RBMS1: variants seen among roughly 807,000 people sequenced by gnomAD.
RBMS1 encodes RNA binding motif single stranded interacting protein 1, also known as RNA-binding motif, single-stranded-interacting protein 1.
A neutral mutation model predicts 62.3 loss-of-function variants in RBMS1; 17 were observed. That is an observed-to-expected ratio of 0.27 (90% confidence interval 0.19 to 0.41). The LOEUF (loss-of-function observed/expected upper bound fraction) is 0.41. RBMS1 is among the 10% of genes least tolerant of loss of function. The pLI, the probability that RBMS1 is intolerant of heterozygous loss-of-function variation, is 1.00. For synonymous variants in RBMS1, 172 were observed against 170.0 expected (o/e 1.01, Z -0.09); for missense variants, 334 against 504.5 (o/e 0.66, Z 3.24).
chr2:160,285,436 A>G (rs905914747), intron 7 of RBMS1, among the ~76,000 whole-genome samples: 68 of 152,230 alleles, frequency 4.5e-4, no homozygotes, highest in African/African-American at 1.6e-3. Context: ...TAAAAAATCA[A>G]TCTCTCTAGC....
chr2:160,354,816 G>A (rs1251310806), intron 2 of RBMS1, among the ~76,000 whole-genome samples: 3 of 152,102 alleles, frequency 2.0e-5, no homozygotes, highest in Non-Finnish European at 4.4e-5. Context: ...ATTTAGACAA[G>A]CGTTAAGTCT....
chr2:160,482,304 G>T (rs1196017445), intron 1 of RBMS1, among the ~76,000 whole-genome samples: 2 of 152,182 alleles, frequency 1.3e-5, no homozygotes, highest in African/African-American at 4.8e-5. Flanking sequence ...TACCTTTAGT[G>T]GGTACAAGTG....
chr2:160,394,385 A>G (rs1695027768), intron 1 of RBMS1, among the ~76,000 whole-genome samples: 1 of 152,202 alleles, frequency 6.6e-6, no homozygotes, highest in East Asian at 1.9e-4. Context: ...GCAGGAAGGG[A>G]CTGAAAGTAT....
intron 2 of RBMS1, among the ~76,000 whole-genome samples, chr2:160,344,538 A>T (rs1263740491): frequency 6.6e-6 from 1 of 152,192 alleles, no homozygotes; most frequent in Non-Finnish European, 1.5e-5. Context: ...CGACTCCAAC[A>T]GTATATGGAA....
intron 1 of RBMS1, among the ~76,000 whole-genome samples, chr2:160,410,505 G>GA (rs914448485): frequency 7.3e-5 from 11 of 149,900 alleles, no homozygotes; most frequent in South Asian, 2.1e-4. Context: ...TGCAACGTAA[G>GA]AAAAAAAAAC....
chr2:160,346,947 T>C (rs969100408), intron 2 of RBMS1, among the ~76,000 whole-genome samples: 5 of 152,176 alleles, frequency 3.3e-5, no homozygotes, highest in South Asian at 2.1e-4. Context: ...TTGAAAAGAA[T>C]GATTATGAAA....
intron 1 of RBMS1, among the ~76,000 whole-genome samples, chr2:160,448,118 T>A (rs1683741652): frequency 6.6e-6 from 1 of 152,254 alleles, no homozygotes; most frequent in Admixed American, 6.5e-5. Context: ...ATAACAATTA[T>A]CTTTATATCC....
At position 160,474,902 on chromosome 2, in the gene RBMS1, T is replaced by A. The variant is rs865917261; in HGVS notation, c.75+18387A>T. Reference sequence around the variant, plus strand: ...TTTCAGTTGCGTCGCAAGTAATATATCGTATTTATGGTGTGATAATCTTTC... The same window carrying A: ...TTTCAGTTGCGTCGCAAGTAATATAACGTATTTATGGTGTGATAATCTTTC... On this transcript the variant is annotated intron_variant, in intron 1 of 13. Coordinates refer to ENST00000348849, the MANE Select transcript of RBMS1 (RefSeq NM_016836.4). 4.6e-5 allele frequency among the ~76,000 whole-genome samples: 7 copies of A among 152,216 alleles called. No homozygotes were observed. In the South Asian group the frequency reaches 6.2e-4, roughly 13 times the overall value.
chr2:160,345,730 G>A (rs1008442583), intron 2 of RBMS1, among the ~76,000 whole-genome samples: 9 of 152,134 alleles, frequency 5.9e-5, no homozygotes, highest in African/African-American at 2.2e-4. Flanking sequence ...GCAGAATGGG[G>A]ATAATATTCA....
intron 1 of RBMS1, among the ~76,000 whole-genome samples, chr2:160,448,507 G>A (rs10174570): frequency 0.22 from 33,590 of 152,248 alleles, 4,230 homozygotes; most frequent in Admixed American, 0.38. Flanking sequence ...TGTTGGCCGG[G>A]CTGGTCTCCA....
chr2:160,493,488 T>TGCC lies in RBMS1; in HGVS notation c.-128_-126dup, dbSNP rs1239064164. ...CGGCGGCGGCGGCGGCTGCTGCTGC[T>TGCC]GCCGCTGCTCCACCTCCCAGCCGGG... On this transcript the variant is annotated 5_prime_UTR_variant, in exon 1 of 14. Transcript: ENST00000348849. 2 of 787,836 alleles carry TGCC rather than the reference T, an allele frequency of 2.5e-6. No individual in the cohort carries two copies. Among genetic ancestry groups the TGCC allele is most frequent in the African/African-American group, 1.7e-5 (1 of 57,724 alleles). 48.8% of individuals were successfully genotyped at this position (787,836 alleles called of 1,614,324 possible). A position where few individuals can be genotyped will look rare whatever the true frequency, so the allele number is the denominator to read the frequency against.
At chr2:160,310,129 C>T (rs1469292845) in intron 4 of RBMS1, among the ~76,000 whole-genome samples, 1 of 152,084 alleles carries the variant, frequency 6.6e-6, no homozygotes, top group Non-Finnish European at 1.5e-5. Flanking sequence ...CAGTCAAAAT[C>T]CTCAACCAAA....
intron 2 of RBMS1, among the ~76,000 whole-genome samples, chr2:160,324,533 TA>T (rs771758197): frequency 4.9e-4 from 72 of 147,052 alleles, no homozygotes; most frequent in African/African-American, 1.4e-3. Context: ...AAAACAACAG[TA>T]AAAAAAAAAG....
chr2:160,277,667 ACT>A (rs1459703832), intron 11 of RBMS1: 1 of 306,962 alleles, frequency 3.3e-6, no homozygotes, highest in Admixed American at 4.4e-5. Context: ...AAAGTTTGTC[ACT>A]CTCAATAATT....
At chr2:160,423,383 G>C (rs1696513373) in intron 1 of RBMS1, among the ~76,000 whole-genome samples, 1 of 138,002 alleles carries the variant, frequency 7.2e-6, no homozygotes, top group African/African-American at 2.6e-5. Flanking sequence ...GGGTGGGGGG[G>C]AGGGAAATGA....
chr2:160,428,084 T>G (rs1248578280), intron 1 of RBMS1, among the ~76,000 whole-genome samples: 1 of 152,088 alleles, frequency 6.6e-6, no homozygotes, highest in Non-Finnish European at 1.5e-5. Context: ...AGACTTTCCA[T>G]GTACTTCTGG....
At chr2:160,337,744 C>T (rs12476804) in intron 2 of RBMS1, among the ~76,000 whole-genome samples, 112,732 of 151,976 alleles carry the variant, frequency 0.74, 42,672 homozygotes, top group East Asian at 0.84. Flanking sequence ...CCTGCAGATC[C>T]GCAGCCTCTA....
intron 1 of RBMS1, among the ~76,000 whole-genome samples, chr2:160,482,466 GT>G (rs1472205597): frequency 6.6e-6 from 1 of 152,160 alleles, no homozygotes; most frequent in African/African-American, 2.4e-5. Flanking sequence ...TGCACACTAT[GT>G]TTTAATTACA....
chr2:160,279,677 G>A (rs1025859873), intron 10 of RBMS1: 4 of 152,110 alleles, frequency 2.6e-5, no homozygotes, highest in Non-Finnish European at 4.4e-5. Flanking sequence ...ATTCTGACAC[G>A]CTCTGTAACT....
Sources: gnomAD v4.1 joint callset for allele counts (sites outside exome capture counted in the v4.1 genomes callset) on GRCh38, gnomAD v4.1.1 for gene constraint, MANE v1.5 for transcripts, NCBI Gene and HGNC (gene_info 2026-07-23, HGNC 2026-07-21) for gene names.